The following FRMPD1 variants were observed in gnomAD, a reference collection of about 807,000 sequenced individuals.
The protein encoded by FRMPD1 is FERM and PDZ domain containing 1.
A neutral mutation model predicts 117.8 loss-of-function variants in FRMPD1; 76 were observed. The observed-to-expected ratio is 0.65, with a 90% CI of 0.54 to 0.78. FRMPD1 has a LOEUF of 0.78. Ranked by LOEUF, FRMPD1 falls within the 30% of genes least tolerant of loss-of-function variation. The pLI, the probability that FRMPD1 is intolerant of heterozygous loss-of-function variation, is 0.00. For synonymous variants in FRMPD1, 783 were observed against 770.4 expected (o/e 1.02, Z -0.27); for missense variants, 1,786 against 1,964.5 (o/e 0.91, Z 1.72).
intron 14 of FRMPD1, 130 bp from the exon 15 acceptor site, chr9:37,739,948 G>C: frequency 1.4e-6 from 1 of 693,158 alleles, no homozygotes. Flanking sequence ...AGTATAGGAC[G>C]GTCTTAGGCC....
chr9:37,630,897 C>T, the FRMPD1 span, among the ~76,000 whole-genome samples: 2 of 152,150 alleles, frequency 1.3e-5, no homozygotes, highest in Admixed American at 6.5e-5. Context: ...TTTTCCTAGG[C>T]AATGATTAGT....
intron 1 of FRMPD1, among the ~76,000 whole-genome samples, chr9:37,663,084 A>T (rs2119391804): frequency 6.6e-6 from 1 of 152,252 alleles, no homozygotes; most frequent in Non-Finnish European, 1.5e-5. Flanking sequence ...GTAGGCTTTT[A>T]TTGATTGCCC....
intron 15 of FRMPD1, among the ~76,000 whole-genome samples, chr9:37,742,919 A>T (rs1329841640): frequency 6.6e-6 from 1 of 152,104 alleles, no homozygotes; most frequent in Non-Finnish European, 1.5e-5. Context: ...AAACAAAAAA[A>T]CCTAAACCTT....
chr9:37,632,714 C>A, the FRMPD1 span, among the ~76,000 whole-genome samples: 1 of 152,088 alleles, frequency 6.6e-6, no homozygotes, highest in African/African-American at 2.4e-5. Flanking sequence ...TTGAACCAAT[C>A]ATTACAGCCA....
chr9:37,612,439 C>T, the FRMPD1 span, among the ~76,000 whole-genome samples: 2 of 151,824 alleles, frequency 1.3e-5, no homozygotes, highest in African/African-American at 4.8e-5. Flanking sequence ...ACCTCCGCTT[C>T]TCGGGTTCCA....
At chr9:37,650,486 C>T (rs550968973), upstream of FRMPD1, among the ~76,000 whole-genome samples, 3 of 152,282 alleles carry the variant, frequency 2.0e-5, no homozygotes, top group East Asian at 1.9e-4. Flanking sequence ...TCTCCCTCTC[C>T]CTTCAGCCGA....
In FRMPD1 at chr9:37,707,467, C is replaced by T. The variant is rs746495979; in HGVS notation, c.153C>T (p.Leu51=). The change falls in exon 3 of 16, where the codon CTC becomes CTT. Residue 51 remains leucine, a synonymous_variant. Coordinates refer to ENST00000377765, the MANE Select transcript of FRMPD1 (RefSeq NM_014907.3). ...CCGCCAGGAACCCAACTCAGACCCTCATCCCTGTGCGACACACAGTAAAGA... is the reference window on the plus strand; with the variant it reads ...CCGCCAGGAACCCAACTCAGACCCTTATCCCTGTGCGACACACAGTAAAGA... ...DGPARNPTQT[L]IPVRHTVKID... The T allele has an allele frequency of 3.7e-6, 6 of 1,614,034 alleles. No homozygotes were observed. Among genetic ancestry groups the T allele is most frequent in the African/African-American group, 1.3e-5 (1 of 75,064 alleles).
At chr9:37,633,834 C>G in the FRMPD1 span, among the ~76,000 whole-genome samples, 1 of 152,132 alleles carries the variant, frequency 6.6e-6, no homozygotes, top group African/African-American at 2.4e-5. Flanking sequence ...CTACTCCAGC[C>G]TGAGTGACAG....
rs757030325 is a variant in FRMPD1, at chr9:37,735,573, A to G, written c.1240A>G (p.Ile414Val). The change falls in exon 13 of 16, where the codon ATT becomes GTT. Residue 414 changes from isoleucine (I) to valine (V), a missense_variant. Physicochemically the swap from Ile to Val is conservative, Grantham distance 29. Transcript: ENST00000377765. ...GCAGTTACAGGATAGAGAATCCTAC[A>G]TTGCCCTTCTAGTTGGAGCCAAGTA... The part of the protein sequence containing the change: ...TLMLQDRESY[I>V]ALLVGAKYGI... 29 of 1,613,544 alleles carry G rather than the reference A, an allele frequency of 1.8e-5. No individual in the cohort carries two copies. The highest frequency in any genetic ancestry group is 2.3e-5 in the Non-Finnish European group (27 of 1,179,562).
chr9:37,688,430 A>G (rs934843946), intron 1 of FRMPD1, among the ~76,000 whole-genome samples: 1 of 151,960 alleles, frequency 6.6e-6, no homozygotes, highest in Non-Finnish European at 1.5e-5. Flanking sequence ...GATAATATTC[A>G]AAAGGTCTGT....
chr9:37,688,612 C>T (rs893536168), intron 1 of FRMPD1, among the ~76,000 whole-genome samples: 1 of 151,954 alleles, frequency 6.6e-6, no homozygotes, highest in South Asian at 2.1e-4. Flanking sequence ...TATTGTAAAG[C>T]TTTCATAATA....
At chr9:37,623,877 A>G in the FRMPD1 span, among the ~76,000 whole-genome samples, 1 of 140,460 alleles carries the variant, frequency 7.1e-6, no homozygotes, top group Non-Finnish European at 1.5e-5. Context: ...TATTAAAAGG[A>G]AAAAAAATCA....
At chr9:37,697,972 G>A (rs1822385957) in intron 2 of FRMPD1, among the ~76,000 whole-genome samples, 1 of 152,134 alleles carries the variant, frequency 6.6e-6, no homozygotes, top group Admixed American at 6.5e-5. Flanking sequence ...AAAATTAGCT[G>A]GGCATTGTGG....
chr9:37,617,886 G>A, the FRMPD1 span, among the ~76,000 whole-genome samples: 2 of 152,142 alleles, frequency 1.3e-5, no homozygotes, highest in Admixed American at 1.3e-4. Flanking sequence ...GTGGGTCCCA[G>A]CAGCCCTCTG....
intron 1 of FRMPD1, among the ~76,000 whole-genome samples, chr9:37,692,267 G>A (rs2118026724): frequency 6.6e-6 from 1 of 152,330 alleles, no homozygotes; most frequent in Non-Finnish European, 1.5e-5. Context: ...AGGCAAAACT[G>A]AACCGCATTG....
Position 37,746,463 on chromosome 9 carries a change from C to G in FRMPD1, c.4431C>G (p.Ile1477Met). 1 of 1,613,700 alleles carries G rather than the reference C, an allele frequency of 6.2e-7. No individual in the cohort carries two copies. Among genetic ancestry groups the G allele is most frequent in the Non-Finnish European group, 8.5e-7 (1 of 1,180,036 alleles). The change falls in exon 16 of 16, where the codon ATC (isoleucine) becomes ATG (methionine). Residue 1477 changes from isoleucine to methionine, a missense_variant. Ile to Met is a conservative substitution (Grantham distance 10, BLOSUM62 1). Coordinates refer to ENST00000377765, the MANE Select transcript of FRMPD1 (RefSeq NM_014907.3). ...TCCTGTCGAGCTGTCGGCATGTGAT[C>G]AGAATGGACCAGTCCCCCGAAGAGA... ...QKLLSSCRHVIRMDQSPEEMQ... is the reference protein window; with the variant it reads ...QKLLSSCRHVMRMDQSPEEMQ...
intron 1 of FRMPD1, chr9:37,668,621 C>T (rs1001206): frequency 0.16 from 24,960 of 152,098 alleles, 2,870 homozygotes; most frequent in East Asian, 0.47. Flanking sequence ...CATTCTGTAA[C>T]GTGTGCTGCT....
At chr9:37,728,457 G>A (rs142374423) in intron 7 of FRMPD1, among the ~76,000 whole-genome samples, 7 of 152,268 alleles carry the variant, frequency 4.6e-5, no homozygotes, top group Non-Finnish European at 8.8e-5. Context: ...AGAGTAATGG[G>A]GAAAGTATAC....
At chr9:37,643,602 T>G in the FRMPD1 span, among the ~76,000 whole-genome samples, 7 of 152,330 alleles carry the variant, frequency 4.6e-5, no homozygotes, top group South Asian at 1.4e-3. Flanking sequence ...TTTAAAAAGT[T>G]AGTTTTTCTT....
Sources: gnomAD v4.1 joint callset for allele counts (sites outside exome capture counted in the v4.1 genomes callset) on GRCh38, gnomAD v4.1.1 for gene constraint, MANE v1.5 for transcripts, NCBI Gene and HGNC (gene_info 2026-07-23, HGNC 2026-07-21) for gene names.